The following C6orf120 variants were observed in gnomAD, a reference collection of about 807,000 sequenced individuals.
C6orf120 encodes chromosome 6 open reading frame 120.
For missense variants in C6orf120, 311 were observed against 264.2 expected (o/e 1.18, Z -1.23); for synonymous variants, 165 against 123.1 (o/e 1.34, Z -2.25).
exon 1 of C6orf120, chr6:169,704,629 A>C (rs1380374681): frequency 1.2e-5 from 2 of 169,218 alleles, no homozygotes; most frequent in Non-Finnish European, 2.9e-5. Flanking sequence ...ATTTTATAAG[A>C]GTATTATACA....
chr6:169,704,070 C>G (rs1788681967), exon 1 of C6orf120: 2 of 1,582,688 alleles, frequency 1.3e-6, no homozygotes, highest in Non-Finnish European at 8.5e-7. Flanking sequence ...CCGCTGACAA[C>G]AGTCACAAAT....
downstream of C6orf120, chr6:169,704,866 T>A: frequency 3.0e-6 from 1 of 336,846 alleles, no homozygotes; most frequent in Non-Finnish European, 5.6e-6. Context: ...GTTACTTTAG[T>A]ATTTCAGTAG....
exon 1 of C6orf120, chr6:169,702,823 C>G (rs766390371): frequency 6.2e-7 from 1 of 1,612,584 alleles, no homozygotes; most frequent in East Asian, 2.2e-5. Context: ...CTATGGACAC[C>G]CCTCCCACCT....
At chr6:169,705,782 A>G (rs1788763834), downstream of C6orf120, 3 of 878,114 alleles carry the variant, frequency 3.4e-6, no homozygotes, top group Non-Finnish European at 5.8e-6. Flanking sequence ...ATGGGTTTAA[A>G]AGGAATTCTG....
downstream of C6orf120, chr6:169,705,457 T>C (rs80250989): frequency 0.072 from 52,451 of 726,672 alleles, 2,131 homozygotes; most frequent in East Asian, 0.1. Context: ...GAATATACAA[T>C]GTAGAGGAAA....
exon 1 of C6orf120, chr6:169,703,811 T>G (rs973770395): frequency 5.3e-6 from 3 of 563,088 alleles, no homozygotes; most frequent in Non-Finnish European, 9.3e-6. Context: ...AAGGTTACTA[T>G]AAAATACTTT....
At chr6:169,702,570 G>A in exon 1 of C6orf120, 11 of 1,613,072 alleles carry the variant, frequency 6.8e-6, no homozygotes, top group Non-Finnish European at 9.3e-6. Flanking sequence ...AGGTCCCCGA[G>A]GAGTGGGTGC....
chr6:169,703,637 T>G (rs758430318), exon 1 of C6orf120: 12 of 239,436 alleles, frequency 5.0e-5, no homozygotes, highest in Non-Finnish European at 8.5e-5. Flanking sequence ...TTGTCATACC[T>G]ATGAAAATTC....
exon 1 of C6orf120, chr6:169,702,873 G>C: frequency 6.2e-7 from 1 of 1,612,004 alleles, no homozygotes; most frequent in Non-Finnish European, 8.5e-7. Context: ...ACGACGGCAC[G>C]GTCGAGCAGC....
At chr6:169,705,218 G>A, downstream of C6orf120, 1 of 1,613,598 alleles carries the variant, frequency 6.2e-7, no homozygotes, top group Non-Finnish European at 8.5e-7. Context: ...CTTCATGGTG[G>A]GGTTGTCCAC....
At chr6:169,703,874 A>T in exon 1 of C6orf120, 1 of 679,964 alleles carries the variant, frequency 1.5e-6, no homozygotes. Flanking sequence ...GTAGCTTTTA[A>T]CAGAAATAAC....
At chr6:169,705,382 T>G, downstream of C6orf120, 3 of 1,174,648 alleles carry the variant, frequency 2.6e-6, no homozygotes. Flanking sequence ...ATATGGCACA[T>G]AAAATACTAG....
chr6:169,702,891 C>G, exon 1 of C6orf120: 1 of 1,611,948 alleles, frequency 6.2e-7, no homozygotes, highest in African/African-American at 1.3e-5. Context: ...AGCACCCGTT[C>G]GGCGAGGCCG....
chr6:169,704,805 A>G, exon 1 of C6orf120: 1 of 209,802 alleles, frequency 4.8e-6, no homozygotes. Flanking sequence ...ATAAAGACGT[A>G]GCAGTCATTT....
chr6:169,705,842 T>C (rs1008984554), downstream of C6orf120: 1 of 658,540 alleles, frequency 1.5e-6, no homozygotes, highest in South Asian at 1.8e-5. Context: ...ATGAGGACCA[T>C]TTTGAAAGAC....
chr6:169,706,076 T>G (rs1259354176), downstream of C6orf120, among the ~76,000 whole-genome samples: 2 of 152,178 alleles, frequency 1.3e-5, no homozygotes, highest in South Asian at 2.1e-4. Flanking sequence ...AAATGACCAT[T>G]ATGTGTAAGA....
At chr6:169,703,943 T>C (rs1443599646) in exon 1 of C6orf120, 2 of 1,315,894 alleles carry the variant, frequency 1.5e-6, no homozygotes, top group Non-Finnish European at 2.1e-6. Context: ...AAAATAATGT[T>C]GTAAATGGCA....
At chr6:169,703,957 A>T (rs1241424341) in exon 1 of C6orf120, 1 of 1,397,572 alleles carries the variant, frequency 7.2e-7, no homozygotes. Flanking sequence ...AATGGCACCA[A>T]ATATTCCACT....
At chr6:169,704,066 A>T (rs1487986221) in exon 1 of C6orf120, 4 of 1,582,778 alleles carry the variant, frequency 2.5e-6, no homozygotes, top group Non-Finnish European at 3.4e-6. Context: ...GGGCCCGCTG[A>T]CAACAGTCAC....
Sources: gnomAD v4.1 joint callset for allele counts (sites outside exome capture counted in the v4.1 genomes callset) on GRCh38, gnomAD v4.1.1 for gene constraint, MANE v1.5 for transcripts, NCBI Gene and HGNC (gene_info 2026-07-23, HGNC 2026-07-21) for gene names.